OLR1: variants seen among roughly 807,000 people sequenced by gnomAD.
The protein encoded by OLR1 is oxidized low density lipoprotein receptor 1.
OLR1 carries 23 observed loss-of-function variants against 31.7 expected under a neutral mutation model. The ratio of observed to expected loss-of-function variants is 0.72; its 90% CI spans 0.52 to 1.03. OLR1 has a LOEUF of 1.03. Among genes scored for constraint, OLR1 ranks in the 50% least tolerant of loss-of-function variants. The pLI is 0.00. For synonymous variants in OLR1, 117 were observed against 115.8 expected (o/e 1.01, Z -0.07); for missense variants, 286 against 315.7 (o/e 0.91, Z 0.71).
At chr12:10,167,993 G>A (rs979505843) in intron 2 of OLR1, among the ~76,000 whole-genome samples, 6 of 152,106 alleles carry the variant, frequency 3.9e-5, no homozygotes, top group African/African-American at 7.2e-5. Flanking sequence ...TAAGTCAAGG[G>A]CACTTCTCCT....
In OLR1 at chr12:10,160,005, C is replaced by T. The variant is rs535180296; in HGVS notation, c.697G>A (p.Ala233Thr). Residue 233 changes from alanine (A) to threonine (T), a missense_variant, in exon 6 of 6, where the codon GCT becomes ACT. Coordinates refer to ENST00000309539, the MANE Select transcript of OLR1 (RefSeq NM_002543.4). ...CCTGAAGGGTATGTCTGGGAGACAGCGCCTCGGACTCTAAATCTGCAGGTA... is the reference window on the plus strand; with the variant it reads ...CCTGAAGGGTATGTCTGGGAGACAGTGCCTCGGACTCTAAATCTGCAGGTA... Reference protein sequence around the residue: ...LMPHLFRVRGAVSQTYPSGTC... With the variant: ...LMPHLFRVRGTVSQTYPSGTC... 5.6e-6 allele frequency: 9 copies of T among 1,605,116 alleles called. No homozygotes were observed. The highest frequency in any genetic ancestry group is 2.2e-5 in the East Asian group (1 of 44,692).
chr12:10,162,897 T>C (rs1000226288), intron 3 of OLR1, among the ~76,000 whole-genome samples: 15 of 152,198 alleles, frequency 9.9e-5, no homozygotes, highest in African/African-American at 3.6e-4. Context: ...TTTTCCCAGT[T>C]ATGACAAAGT....
chr12:10,169,005 C>A (rs973205700), intron 2 of OLR1, 69 bp downstream of exon 2: 11 of 1,062,636 alleles, frequency 1.0e-5, no homozygotes, highest in Non-Finnish European at 1.4e-5. Context: ...AACTTATAAA[C>A]CATATTTATT....
intron 1 of OLR1, among the ~76,000 whole-genome samples, chr12:10,171,659 G>C (rs1302662036): frequency 1.3e-5 from 2 of 152,122 alleles, no homozygotes; most frequent in African/African-American, 4.8e-5. Flanking sequence ...CCGTGAAACT[G>C]GATGATGTTG....
In OLR1 at chr12:10,158,639, A is replaced by C. The variant is rs1948594062; in HGVS notation, c.*1241T>G. On this transcript the variant is annotated 3_prime_UTR_variant, in exon 6 of 6. Coordinates refer to ENST00000309539, the MANE Select transcript of OLR1 (RefSeq NM_002543.4). ...ACTTTGAGGGATGATGGATATGTTC[A>C]CTCTCTTAATTGTAGTATGCATGTT... 6.6e-6 allele frequency: 1 copy of C among 152,164 alleles called. No individual in the cohort carries two copies. Among genetic ancestry groups the C allele is most frequent in the African/African-American group, 2.4e-5 (1 of 41,430 alleles). The allele number at this position is 152,164 out of a possible 1,614,324, so 9.4% of individuals were successfully genotyped here.
upstream of OLR1, among the ~76,000 whole-genome samples, chr12:10,172,668 T>G (rs770085907): frequency 6.6e-6 from 1 of 152,222 alleles, no homozygotes; most frequent in Non-Finnish European, 1.5e-5. Context: ...GGGCTACTAG[T>G]TCATGCAGTG....
chr12:10,161,184 C>T (rs560513883), intron 3 of OLR1, among the ~76,000 whole-genome samples: 4 of 152,040 alleles, frequency 2.6e-5, no homozygotes, highest in African/African-American at 9.7e-5. Context: ...CTGCAAATAC[C>T]TAAATAGCCT....
Position 10,159,794 on chromosome 12 carries a change from A to G in OLR1, c.*86T>C. On this transcript the variant is annotated 3_prime_UTR_variant, in exon 6 of 6. Coordinates refer to ENST00000309539, the MANE Select transcript of OLR1 (RefSeq NM_002543.4). ...CTAAATGACAGTTTTCTGGGCTCTC[A>G]TGTTTGGCACCCAAGTGACAAAGAA... is the stretch of plus-strand genomic sequence containing the variant. 7.2e-7 allele frequency: 1 copy of G among 1,380,174 alleles called. No individual in the cohort carries two copies. The highest frequency in any genetic ancestry group is 9.8e-7 in the Non-Finnish European group (1 of 1,022,930). 85.5% of individuals were successfully genotyped at this position (1,380,174 alleles called of 1,614,324 possible). A position where few individuals can be genotyped will look rare whatever the true frequency, so the allele number is the denominator to read the frequency against.
chr12:10,163,394 G>A (rs1948635554), intron 3 of OLR1, among the ~76,000 whole-genome samples: 1 of 152,086 alleles, frequency 6.6e-6, no homozygotes, highest in Non-Finnish European at 1.5e-5. Flanking sequence ...AGTAAAGTTT[G>A]AGAATCACCA....
chr12:10,160,764 AC>A (rs1948613547), intron 4 of OLR1, 21 bp downstream of exon 4: 2 of 1,609,656 alleles, frequency 1.2e-6, no homozygotes, highest in Non-Finnish European at 1.7e-6. Flanking sequence ...CTCCACCCCA[AC>A]AAATATCCAT....
rs749991493 is a variant in OLR1, at chr12:10,166,729, C to T, written c.407G>A (p.Arg136Lys). Residue 136 changes from arginine to lysine, a missense_variant, in exon 3 of 6, where the codon AGA (arginine) becomes AAA (lysine). Coordinates refer to ENST00000309539, the MANE Select transcript of OLR1 (RefSeq NM_002543.4). ...QNLNLQETLKRVANCSAPCPQ... is the reference protein window; with the variant it reads ...QNLNLQETLKKVANCSAPCPQ... ...CCCAATACCTGAACAATTTGCTACT[C>T]TCTTCAGTGTTTCTTGGAGATTCAG... is the stretch of plus-strand genomic sequence containing the variant. 6.2e-7 allele frequency: 1 copy of T among 1,614,066 alleles called. No individual in the cohort carries two copies. The highest frequency in any genetic ancestry group is 2.2e-5 in the East Asian group (1 of 44,866).
At position 10,166,604 on chromosome 12, in the gene OLR1, A is replaced by G. The variant is rs1457957148; in HGVS notation, c.424+108T>C. The G allele has an allele frequency of 4.1e-6, 4 of 980,754 alleles. No individual in the cohort carries two copies. In the African/African-American group the frequency reaches 6.5e-5, roughly 16 times the overall value. The allele number at this position is 980,754 out of a possible 1,614,324, so 60.8% of individuals were successfully genotyped here. On this transcript the variant is annotated intron_variant, in intron 3 of 5. Transcript: ENST00000309539. ...TATAGAACATTATGAATGAATAATGATATGCATAACAATAGACCAATTTTG... is the reference window on the plus strand; with the variant it reads ...TATAGAACATTATGAATGAATAATGGTATGCATAACAATAGACCAATTTTG...
chr12:10,171,206 T>C (rs928576666), intron 1 of OLR1, among the ~76,000 whole-genome samples: 1 of 152,246 alleles, frequency 6.6e-6, no homozygotes, highest in Non-Finnish European at 1.5e-5. Flanking sequence ...GAGAAATTTC[T>C]GTTTTGTTTT....
chr12:10,174,060 G>GTTTC (rs555866721), upstream of OLR1, among the ~76,000 whole-genome samples: 710 of 152,002 alleles, frequency 4.7e-3, 7 homozygotes, highest in African/African-American at 0.015. Flanking sequence ...TTGTTTGTTT[G>GTTTC]TTTGTTTGTT....
chr12:10,175,952 T>C (rs1948762431), upstream of OLR1, among the ~76,000 whole-genome samples: 1 of 152,242 alleles, frequency 6.6e-6, no homozygotes, highest in African/African-American at 2.4e-5. Flanking sequence ...ACACCAGTTG[T>C]ATAACAATTC....
intron 4 of OLR1, 106 bp downstream of exon 4, chr12:10,160,680 C>T (rs1948613075): frequency 7.0e-6 from 10 of 1,435,732 alleles, no homozygotes; most frequent in Non-Finnish European, 9.6e-6. Context: ...GCTAAAAAAA[C>T]AGACATTTTG....
intron 3 of OLR1, among the ~76,000 whole-genome samples, chr12:10,164,589 T>C (rs932738214): frequency 3.3e-5 from 5 of 152,220 alleles, no homozygotes; most frequent in Admixed American, 6.5e-5. Flanking sequence ...TAGAGAGATC[T>C]CTGTTTATTA....
chr12:10,164,633 A>G (rs1294403645), intron 3 of OLR1, among the ~76,000 whole-genome samples: 2 of 152,200 alleles, frequency 1.3e-5, no homozygotes, highest in African/African-American at 4.8e-5. Flanking sequence ...ACAATAGGGC[A>G]CTAATTTACG....
chr12:10,164,194 GT>G (rs1200958116), intron 3 of OLR1, among the ~76,000 whole-genome samples: 1 of 152,158 alleles, frequency 6.6e-6, no homozygotes, highest in Non-Finnish European at 1.5e-5. Flanking sequence ...TAAACCATTG[GT>G]TAGTACGTGG....
Sources: gnomAD v4.1 joint callset for allele counts (sites outside exome capture counted in the v4.1 genomes callset) on GRCh38, gnomAD v4.1.1 for gene constraint, MANE v1.5 for transcripts, NCBI Gene and HGNC (gene_info 2026-07-23, HGNC 2026-07-21) for gene names.